Variants in RNF4 observed in about 807,000 individuals in gnomAD.
RNF4 encodes E3 ubiquitin-protein ligase RNF4.
A neutral mutation model predicts 24.3 loss-of-function variants in RNF4; 7 were observed. The observed-to-expected ratio is 0.29, with a 90% confidence interval of 0.16 to 0.54. The LOEUF is 0.54. RNF4 is among the 20% of genes least tolerant of loss of function. RNF4 has a pLI of 0.95. For missense variants in RNF4, 209 were observed against 248.5 expected, an observed-to-expected ratio of 0.84 and a Z score of 1.07; for synonymous variants, 83 against 84.3, an observed-to-expected ratio of 0.98 and a Z score of 0.09.
intron 7 of RNF4, 66 bp from the exon 8 acceptor site, chr4:2,513,604 C>T (rs980776043): frequency 1.3e-6 from 2 of 1,593,872 alleles, no homozygotes; most frequent in African/African-American, 2.7e-5. Flanking sequence ...GGGTGGGATT[C>T]TCTGGCCCCA....
rs568553269 is a variant in RNF4 at position 2,490,517 on chromosome 4, C to T, written c.9+15C>T. 2.5e-6 allele frequency: 4 copies of T among 1,610,328 alleles called. No homozygotes were observed. Among genetic ancestry groups the T allele is most frequent in the South Asian group, 2.2e-5 (2 of 90,520 alleles). ...CAATGAGTACAGTAAGTTTTATCAT[C>T]TCTTGAATTTTTAATTTTGTAGGGC... On this transcript the variant is annotated intron_variant, in intron 2 of 7. Transcript: ENST00000314289.
In RNF4 at chr4:2,494,351, C is replaced by G. The variant is rs551488079; in HGVS notation, c.10-2656C>G. On this transcript the variant is annotated intron_variant, in intron 2 of 7. Coordinates refer to ENST00000314289, the MANE Select transcript of RNF4 (RefSeq NM_002938.5). Reference sequence around the variant, plus strand: ...CAGGACCTCACATTCTGTATTTGTCCCAATTGGCTAGCAACTTAGAACTTT... The same window carrying G: ...CAGGACCTCACATTCTGTATTTGTCGCAATTGGCTAGCAACTTAGAACTTT... Among the ~76,000 whole-genome samples the G allele has an allele frequency of 3.3e-5, 5 of 150,630 alleles. No homozygotes were observed. The East Asian group carries it at 9.8e-4, about 29-fold the overall frequency.
intron 4 of RNF4, among the ~76,000 whole-genome samples, chr4:2,511,234 C>A (rs945119704): frequency 2.0e-5 from 3 of 151,808 alleles, no homozygotes; most frequent in African/African-American, 7.3e-5. Context: ...CCAGGTCTTG[C>A]AGTCAGCACA....
chr4:2,512,482 C>G lies in RNF4; in HGVS notation c.259C>G (p.His87Asp). ...GAATGCTAGGAGGCTGCCCCAGGAC[C>G]ATGCTGACAGCTGTGTGGTGAGCAG... ...RRNARRLPQD[H>D]ADSCVVSSDD... Residue 87 changes from histidine to aspartate, a missense_variant, in exon 6 of 8, where the codon CAT (histidine) becomes GAT (aspartate). Physicochemically the swap from His to Asp is moderately conservative, Grantham distance 81 (BLOSUM62 -1). This residue lies in a region of RNF4 where 182 missense variants were observed against 197.2 expected (regional missense o/e 0.92). Coordinates refer to ENST00000314289, the MANE Select transcript of RNF4 (RefSeq NM_002938.5). The surrounding 1 kb of genome is among the most constrained non-coding windows in gnomAD (Gnocchi z 4.1). 1 of 1,613,690 alleles carries G rather than the reference C, an allele frequency of 6.2e-7. No homozygotes were observed. Among genetic ancestry groups the G allele is most frequent in the Non-Finnish European group, 8.5e-7 (1 of 1,179,748 alleles).
intron 2 of RNF4, among the ~76,000 whole-genome samples, chr4:2,493,743 TAAAAAAAAAAAAA>T (rs34740719): frequency 1.1e-5 from 1 of 88,154 alleles, no homozygotes; most frequent in Non-Finnish European, 2.2e-5. Context: ...GACTCCGTCT[TAAAAAAAAAAAAA>T]AAAAAAAAAG....
chr4:2,483,926 G>A (rs1045746405), intron 1 of RNF4, among the ~76,000 whole-genome samples: 4 of 151,500 alleles, frequency 2.6e-5, no homozygotes, highest in East Asian at 3.9e-4. Context: ...TCTTGGGTTC[G>A]AGCGATTCTC....
chr4:2,499,271 A>T (rs1735837848), intron 3 of RNF4: 2 of 450,072 alleles, frequency 4.4e-6, no homozygotes, highest in Non-Finnish European at 8.9e-6. Flanking sequence ...AAAAAACTTC[A>T]TTTAGTGTTT....
chr4:2,509,876 A>G (rs1332718583), intron 4 of RNF4, among the ~76,000 whole-genome samples: 6 of 152,124 alleles, frequency 3.9e-5, no homozygotes, highest in Admixed American at 3.9e-4. Flanking sequence ...AGCTGTAGAA[A>G]GCTGGGGTCA....
At chr4:2,509,935 T>C (rs1347481422) in intron 4 of RNF4, among the ~76,000 whole-genome samples, 1 of 152,194 alleles carries the variant, frequency 6.6e-6, no homozygotes, top group Non-Finnish European at 1.5e-5. Context: ...AACCCAAGGC[T>C]TTCCCCAAGG....
chr4:2,478,294 G>A (rs757279070), intron 1 of RNF4, among the ~76,000 whole-genome samples: 39 of 152,214 alleles, frequency 2.6e-4, no homozygotes, highest in Admixed American at 4.6e-4. Context: ...CTGTCAATGT[G>A]CTAGAAAATA....
chr4:2,470,362 C>A (rs1179562576), intron 1 of RNF4, among the ~76,000 whole-genome samples: 1 of 152,162 alleles, frequency 6.6e-6, no homozygotes, highest in Non-Finnish European at 1.5e-5. Context: ...TTGTTACTTT[C>A]TTGGTGATTT....
intron 1 of RNF4, among the ~76,000 whole-genome samples, chr4:2,482,494 G>GGA (rs1735273573): frequency 2.0e-5 from 3 of 152,172 alleles, no homozygotes; most frequent in African/African-American, 7.2e-5. Context: ...TGGATCCTTA[G>GGA]GTTTCCTTCA....
intron 1 of RNF4, chr4:2,469,538 C>G (rs993456202): frequency 3.3e-5 from 5 of 152,326 alleles, no homozygotes; most frequent in Admixed American, 2.0e-4. Flanking sequence ...GGAAGGGAAA[C>G]TGAGACTCTG....
intron 1 of RNF4, among the ~76,000 whole-genome samples, chr4:2,489,306 G>A (rs1425074752): frequency 1.3e-5 from 2 of 152,206 alleles, no homozygotes; most frequent in Non-Finnish European, 2.9e-5. Flanking sequence ...CCCAGCATGA[G>A]CAGGCATGGT....
At chr4:2,489,547 C>G (rs560997297) in intron 1 of RNF4, among the ~76,000 whole-genome samples, 3 of 152,170 alleles carry the variant, frequency 2.0e-5, no homozygotes, top group African/African-American at 4.8e-5. Flanking sequence ...TTAACGAGCC[C>G]TCTGTGGGGG....
intron 1 of RNF4, among the ~76,000 whole-genome samples, chr4:2,483,215 A>G (rs1735295030): frequency 6.6e-6 from 1 of 152,138 alleles, no homozygotes; most frequent in Non-Finnish European, 1.5e-5. Flanking sequence ...GCACCTGTGA[A>G]TAGTTAGCAA....
At chr4:2,508,786 G>C (rs1736180462) in intron 4 of RNF4, among the ~76,000 whole-genome samples, 1 of 151,204 alleles carries the variant, frequency 6.6e-6, no homozygotes, top group Non-Finnish European at 1.5e-5. Flanking sequence ...CTAATTTTGT[G>C]TTTTTAGTAG....
At chr4:2,488,473 CA>C (rs1036811721) in intron 1 of RNF4, among the ~76,000 whole-genome samples, 3 of 151,036 alleles carry the variant, frequency 2.0e-5, no homozygotes, top group East Asian at 3.9e-4. Context: ...ACAACAACAA[CA>C]AAAAAAAACT....
intron 4 of RNF4, chr4:2,505,026 A>C: frequency 6.6e-6 from 1 of 151,964 alleles, no homozygotes; most frequent in Non-Finnish European, 1.5e-5. Context: ...GAGCCGCTGC[A>C]CCTGGCTGTT....
Sources: allele counts gnomAD v4.1 joint callset (sites outside exome capture counted in the v4.1 genomes callset), GRCh38; gene constraint gnomAD v4.1.1; regional missense constraint gnomAD v4.1.1; non-coding constraint Gnocchi (gnomAD v3.1); transcripts MANE v1.5; gene names NCBI Gene and HGNC (gene_info 2026-07-23, HGNC 2026-07-21).